Variants in DNAH5 observed in about 807,000 individuals in gnomAD.
The protein encoded by DNAH5 is dynein axonemal heavy chain 5, also known as axonemal beta dynein heavy chain 5.
Under a neutral mutation model 518.2 loss-of-function variants are expected in DNAH5, and 372 were observed. The ratio of observed to expected loss-of-function variants is 0.72; its 90% confidence interval spans 0.66 to 0.78. DNAH5 has a LOEUF of 0.78. Ranked by LOEUF, DNAH5 falls within the 30% of genes least tolerant of loss-of-function variation. The pLI is 0.00. For synonymous variants in DNAH5, 2,039 were observed against 2,025.9 expected (o/e 1.01, Z -0.17); for missense variants, 5,523 against 5,687.0 (o/e 0.97, Z 0.93).
At chr5:13,771,209 C>A in intron 55 of DNAH5, 1 of 529,856 alleles carries the variant, frequency 1.9e-6, no homozygotes, top group Non-Finnish European at 3.4e-6. Context: ...TATCAACACT[C>A]TTTGTTGCCT....
chr5:13,861,714 T>G (rs758762564), intron 29 of DNAH5, among the ~76,000 whole-genome samples: 6 of 152,128 alleles, frequency 3.9e-5, no homozygotes, highest in African/African-American at 7.2e-5. Flanking sequence ...GCCAGCATTT[T>G]GGGAGGCCAA....
At chr5:13,928,552 T>TA (rs1778108239) in intron 2 of DNAH5, among the ~76,000 whole-genome samples, 1 of 152,168 alleles carries the variant, frequency 6.6e-6, no homozygotes, top group African/African-American at 2.4e-5. Context: ...AAACTTAGTC[T>TA]AACACTCTAG....
intron 21 of DNAH5, among the ~76,000 whole-genome samples, chr5:13,882,048 C>A (rs1771748036): frequency 6.6e-6 from 1 of 151,866 alleles, no homozygotes; most frequent in East Asian, 1.9e-4. Context: ...CAATTTTGTG[C>A]CAACCTAGAA....
chr5:13,983,351 TG>T (rs1782818415), intron 1 of DNAH5, among the ~76,000 whole-genome samples: 2 of 152,238 alleles, frequency 1.3e-5, no homozygotes, highest in South Asian at 4.1e-4. Context: ...CAGTGGTTCT[TG>T]AACTTTTAGT....
chr5:13,875,032 T>C (rs1005594082), intron 22 of DNAH5, among the ~76,000 whole-genome samples: 4 of 152,244 alleles, frequency 2.6e-5, no homozygotes, highest in African/African-American at 9.6e-5. Flanking sequence ...AGTGTACATA[T>C]ATTCTCCCAG....
rs1401209111 is a variant in DNAH5 at position 13,876,674 on chromosome 5, C to T, written c.3396+10G>A. 1.9e-6 allele frequency: 3 copies of T among 1,613,040 alleles called. No individual in the cohort carries two copies. The highest frequency in any genetic ancestry group is 1.7e-6 in the Non-Finnish European group (2 of 1,179,518). On this transcript the variant is annotated intron_variant, in intron 22 of 78. Transcript: ENST00000265104. Reference sequence around the variant, plus strand: ...GCAAAAGGTCCGGCTGCCAGACCCTCTTGACATACCTTTTTGGTGGAGTTG... The same window carrying T: ...GCAAAAGGTCCGGCTGCCAGACCCTTTTGACATACCTTTTTGGTGGAGTTG...
intron 47 of DNAH5, among the ~76,000 whole-genome samples, chr5:13,796,213 G>C (rs1339527975): frequency 6.6e-6 from 1 of 152,176 alleles, no homozygotes; most frequent in Non-Finnish European, 1.5e-5. Flanking sequence ...AATCAGGAAA[G>C]AGAAAGAAAT....
At chr5:13,901,224 T>C in intron 14 of DNAH5, 28 bp downstream of exon 14, 3 of 1,606,318 alleles carry the variant, frequency 1.9e-6, no homozygotes, top group South Asian at 1.1e-5. Context: ...ATTCCAACAA[T>C]GGGAAGAGTA....
chr5:13,695,582 T>C (rs899798699), intron 78 of DNAH5, among the ~76,000 whole-genome samples: 3 of 152,198 alleles, frequency 2.0e-5, no homozygotes, highest in African/African-American at 7.2e-5. Flanking sequence ...ACAAATGTGA[T>C]TCTCATACCA....
rs1313119105 is a variant in DNAH5 at position 13,952,966 on chromosome 5, A to G, written c.13-21722T>C. 2.6e-5 allele frequency among the ~76,000 whole-genome samples: 4 copies of G among 152,190 alleles called. No individual in the cohort carries two copies. In the East Asian group the frequency reaches 7.7e-4, roughly 29 times the overall value. On this transcript the variant is annotated intron_variant, in intron 1 of 78. Transcript: ENST00000681290. The stretch of plus-strand genomic sequence containing the variant: ...GACCTTTCTTAAACACTGTAACATA[A>G]CTTGTGATAAACGTCATTGCTACTT...
At chr5:13,845,790 C>T (rs1302469899) in intron 31 of DNAH5, among the ~76,000 whole-genome samples, 2 of 147,674 alleles carry the variant, frequency 1.4e-5, no homozygotes, top group Non-Finnish European at 3.0e-5. Flanking sequence ...TTTTGCTCTT[C>T]CCTTATCATT....
At chr5:13,912,415 ATG>A (rs1322160478) in intron 11 of DNAH5, among the ~76,000 whole-genome samples, 1 of 151,686 alleles carries the variant, frequency 6.6e-6, no homozygotes, top group Non-Finnish European at 1.5e-5. Flanking sequence ...TTGTGTGTGT[ATG>A]TATATATATA....
At chr5:13,867,660 T>C in intron 25 of DNAH5, 114 bp downstream of exon 25, 2 of 880,140 alleles carry the variant, frequency 2.3e-6, no homozygotes, top group Non-Finnish European at 3.8e-6. Flanking sequence ...TCCCATTCCC[T>C]GGGAATTCCT....
chr5:13,886,134 CCAAA>C lies in DNAH5; in HGVS notation c.2578-9_2578-6del, dbSNP rs1561507210. ...TGCACCATTTACACAAAGATCCTAA[CCAAA>C]AAAAAAAAAAAAAAAAGATAGCACA... On this transcript the variant is annotated splice_polypyrimidine_tract_variant and splice_region_variant and intron_variant, in intron 17 of 78. Transcript: ENST00000265104. 7.8e-6 allele frequency: 10 copies of C among 1,287,468 alleles called. No homozygotes were observed. The highest frequency in any genetic ancestry group is 2.7e-4 in the Middle Eastern group (1 of 3,694). The allele number at this position is 1,287,468 out of a possible 1,614,324, so 79.8% of individuals were successfully genotyped here.
chr5:13,702,962 C>T (rs950806489), intron 76 of DNAH5, among the ~76,000 whole-genome samples: 5 of 152,080 alleles, frequency 3.3e-5, no homozygotes, highest in Non-Finnish European at 5.9e-5. Context: ...GCTGCCCTCT[C>T]TGTGCAGCCC....
At position 13,839,952 on chromosome 5, in the gene DNAH5, T is replaced by TG. The variant is rs1297359029; in HGVS notation, c.5710-425dup. On this transcript the variant is annotated intron_variant, in intron 34 of 78. Coordinates refer to ENST00000265104, the MANE Select transcript of DNAH5 (RefSeq NM_001369.3). The stretch of plus-strand genomic sequence containing the variant: ...TTAAGACTATAACAAAGTACGCTGT[T>TG]GGGGTTTTTTAATCCAGTAATTATT... 4.6e-5 allele frequency among the ~76,000 whole-genome samples: 7 copies of TG among 152,234 alleles called. No homozygotes were observed. In the East Asian group the frequency reaches 1.3e-3, roughly 29 times the overall value.
At chr5:14,008,688 G>C (rs1228086486) in intron 1 of DNAH5, among the ~76,000 whole-genome samples, 2 of 152,002 alleles carry the variant, frequency 1.3e-5, no homozygotes, top group Non-Finnish European at 2.9e-5. Flanking sequence ...GAGAGGGAAG[G>C]AAAAATGGAG....
chr5:13,791,599 A>C (rs1483409517), intron 50 of DNAH5, among the ~76,000 whole-genome samples: 1 of 152,238 alleles, frequency 6.6e-6, no homozygotes, highest in Admixed American at 6.5e-5. Flanking sequence ...AAAGATAATT[A>C]CTTTTTAAGT....
intron 53 of DNAH5, among the ~76,000 whole-genome samples, chr5:13,778,459 G>A (rs1343827759): frequency 6.2e-5 from 7 of 113,000 alleles, no homozygotes; most frequent in Non-Finnish European, 3.4e-5. Flanking sequence ...TAGAAAGAAC[G>A]AAAGAGAGAA....
Sources: allele counts gnomAD v4.1 joint callset (sites outside exome capture counted in the v4.1 genomes callset), GRCh38; gene constraint gnomAD v4.1.1; transcripts MANE v1.5; gene names NCBI Gene and HGNC (gene_info 2026-07-23, HGNC 2026-07-21).